The following VSTM2L variants were observed in gnomAD, a reference collection of about 807,000 sequenced individuals.
VSTM2L encodes V-set and transmembrane domain-containing protein 2-like protein.
VSTM2L carries 9 observed loss-of-function variants against 19.9 expected under a neutral mutation model. The ratio of observed to expected loss-of-function variants is 0.45; its 90% CI spans 0.27 to 0.79. VSTM2L has a LOEUF of 0.79. Among genes scored for constraint, VSTM2L ranks in the 30% least tolerant of loss-of-function variants. The probability of loss-of-function intolerance (pLI) is 0.15; values close to 1 mark genes in which losing one functional copy is unlikely to be tolerated. For missense variants in VSTM2L, 286 were observed against 295.5 expected (o/e 0.97, Z 0.24); for synonymous variants, 127 against 133.8 (o/e 0.95, Z 0.35).
In VSTM2L at chr20:37,931,868, T is replaced by C. The variant is rs184054330; in HGVS notation, c.291+64T>C. The C allele has an allele frequency of 3.7e-5, 57 of 1,528,000 alleles. No homozygotes were observed. The Middle Eastern group carries it at 6.0e-4, about 16-fold the overall frequency. 94.7% of individuals were successfully genotyped at this position (1,528,000 alleles called of 1,614,324 possible). ...AGTCCTGGTCCCTGGGGTAGGGGTA[T>C]TTCTCTGCCCCTCTTCTCCTCTGAG... On this transcript the variant is annotated intron_variant, in intron 2 of 3. Coordinates refer to ENST00000373461, the MANE Select transcript of VSTM2L (RefSeq NM_080607.3).
chr20:37,924,327 C>T (rs953305284), intron 1 of VSTM2L, among the ~76,000 whole-genome samples: 1 of 151,948 alleles, frequency 6.6e-6, no homozygotes, highest in Non-Finnish European at 1.5e-5. Context: ...CCGAGGTGGG[C>T]GGATCACCTG....
chr20:37,940,578 C>T lies in VSTM2L; in HGVS notation c.343-3403C>T, dbSNP rs562310531. 7.2e-5 allele frequency among the ~76,000 whole-genome samples: 11 copies of T among 152,348 alleles called. No individual in the cohort carries two copies. In the South Asian group the frequency reaches 1.7e-3, roughly 23 times the overall value. On this transcript the variant is annotated intron_variant, in intron 3 of 3. Transcript: ENST00000373461. Reference sequence around the variant, plus strand: ...AGCGCATGGAGCCTGTTCCCAGTTCCGCCACTCACTGACTCCATGCCTCTG... The same window carrying T: ...AGCGCATGGAGCCTGTTCCCAGTTCTGCCACTCACTGACTCCATGCCTCTG...
At chr20:37,937,240 T>C (rs981718083) in intron 3 of VSTM2L, among the ~76,000 whole-genome samples, 3 of 152,042 alleles carry the variant, frequency 2.0e-5, no homozygotes, top group African/African-American at 7.3e-5. Flanking sequence ...AAAATAATAA[T>C]GATAATAATA....
intron 1 of VSTM2L, among the ~76,000 whole-genome samples, chr20:37,917,214 T>C (rs1208029875): frequency 6.6e-6 from 1 of 151,994 alleles, no homozygotes; most frequent in Non-Finnish European, 1.5e-5. Context: ...CTTGGGAGGC[T>C]GAGGCAAGGA....
At position 37,945,235 on chromosome 20, in the gene VSTM2L, G is replaced by T; in HGVS notation, c.*982G>T. Reference sequence around the variant, plus strand: ...TGGCACCTCTGGCTGCCGCAGCTCAGTGATGACGTGGGGGAGGTGGGAGAG... The same window carrying T: ...TGGCACCTCTGGCTGCCGCAGCTCATTGATGACGTGGGGGAGGTGGGAGAG... On this transcript the variant is annotated 3_prime_UTR_variant, in exon 4 of 4. Coordinates refer to ENST00000373461, the MANE Select transcript of VSTM2L (RefSeq NM_080607.3). 1.4e-5 allele frequency: 14 copies of T among 985,580 alleles called. No homozygotes were observed. Among genetic ancestry groups the T allele is most frequent in the Non-Finnish European group, 1.7e-5 (14 of 830,034 alleles). 61.1% of individuals were successfully genotyped at this position (985,580 alleles called of 1,614,324 possible). A position where few individuals can be genotyped will look rare whatever the true frequency, so the allele number is the denominator to read the frequency against.
intron 1 of VSTM2L, among the ~76,000 whole-genome samples, chr20:37,925,892 A>G (rs1000580808): frequency 1.3e-5 from 2 of 152,134 alleles, no homozygotes; most frequent in Admixed American, 6.5e-5. Flanking sequence ...TACCTAGCCT[A>G]CTGGGGCTAA....
intron 3 of VSTM2L, among the ~76,000 whole-genome samples, chr20:37,940,425 C>T (rs1385686193): frequency 6.6e-6 from 1 of 152,236 alleles, no homozygotes; most frequent in Non-Finnish European, 1.5e-5. Flanking sequence ...CGATGGGCAG[C>T]AGGGAAGGCT....
intron 1 of VSTM2L, among the ~76,000 whole-genome samples, chr20:37,926,560 A>G (rs970613245): frequency 8.5e-5 from 13 of 152,150 alleles, no homozygotes; most frequent in Non-Finnish European, 1.6e-4. Flanking sequence ...GAAAAAAGAG[A>G]AATATTTAGG....
chr20:37,926,074 T>C (rs2122960819), intron 1 of VSTM2L, among the ~76,000 whole-genome samples: 1 of 152,306 alleles, frequency 6.6e-6, no homozygotes, highest in Admixed American at 6.5e-5. Flanking sequence ...TTTTGTTTGT[T>C]TTTTGAGATG....
intron 1 of VSTM2L, among the ~76,000 whole-genome samples, chr20:37,926,704 G>T (rs113474857): frequency 0.011 from 1,711 of 152,296 alleles, 37 homozygotes; most frequent in African/African-American, 0.039. Flanking sequence ...GGGCGTCACA[G>T]AGGGCTGGTT....
At chr20:37,923,730 G>A (rs1224785025) in intron 1 of VSTM2L, among the ~76,000 whole-genome samples, 4 of 152,126 alleles carry the variant, frequency 2.6e-5, no homozygotes, top group Non-Finnish European at 5.9e-5. Context: ...TAGGGTCTGG[G>A]TAGCTGGAGG....
rs559523252 is a variant in VSTM2L at position 37,933,482 on chromosome 20, C to T, written c.292-57C>T. ...TGTCTCCCCACACTGCCACCCCACC[C>T]CCACCCTGTGCTAACACCTTGTCTC... is the stretch of plus-strand genomic sequence containing the variant. On this transcript the variant is annotated intron_variant, in intron 2 of 3. Coordinates refer to ENST00000373461, the MANE Select transcript of VSTM2L (RefSeq NM_080607.3). The T allele has an allele frequency of 9.5e-6, 13 of 1,366,412 alleles. No individual in the cohort carries two copies. The African/African-American group carries it at 1.8e-4, about 18-fold the overall frequency. 84.6% of individuals were successfully genotyped at this position (1,366,412 alleles called of 1,614,324 possible).
intron 3 of VSTM2L, among the ~76,000 whole-genome samples, chr20:37,940,675 C>A (rs958791394): frequency 1.3e-5 from 2 of 152,204 alleles, no homozygotes; most frequent in Admixed American, 6.5e-5. Flanking sequence ...ATTCACCCTG[C>A]TATAAAGAAC....
intron 3 of VSTM2L, among the ~76,000 whole-genome samples, chr20:37,943,376 A>C (rs1260459579): frequency 6.6e-6 from 1 of 151,908 alleles, no homozygotes; most frequent in Non-Finnish European, 1.5e-5. Context: ...CCTGGGCTCA[A>C]ACAGTCCTCG....
Position 37,944,384 on chromosome 20 carries a change from C to T in VSTM2L, c.*131C>T, listed in dbSNP as rs369345546. The T allele has an allele frequency of 1.6e-4, 200 of 1,278,726 alleles. No individual in the cohort carries two copies. The African/African-American group carries it at 2.7e-3, about 17-fold the overall frequency. The allele number at this position is 1,278,726 out of a possible 1,614,324, so 79.2% of individuals were successfully genotyped here. A position where few individuals can be genotyped will look rare whatever the true frequency, so the allele number is the denominator to read the frequency against. On this transcript the variant is annotated 3_prime_UTR_variant, in exon 4 of 4. Coordinates refer to ENST00000373461, the MANE Select transcript of VSTM2L (RefSeq NM_080607.3). ...CCGAGGCCGCCTGTGGCCACCATGT[C>T]GGCCCTCTTTCCACCACCCCTTGCT...
Position 37,931,709 on chromosome 20 carries a change from G to T in VSTM2L, c.196G>T (p.Gly66Cys), listed in dbSNP as rs868797851. Residue 66 changes from glycine to cysteine, a missense_variant, in exon 2 of 4, where the codon GGC (glycine) becomes TGC (cysteine). Gly to Cys is a radical substitution (Grantham distance 159). Transcript: ENST00000373461. ...CGTGGAGATGGCCTGCTCCTTCCGC[G>T]GCAGCGGCTCCCCCTCCTACTCGCT... The part of the protein sequence containing the change: ...EDVEMACSFR[G>C]SGSPSYSLEI... The T allele has an allele frequency of 6.2e-7, 1 of 1,613,770 alleles. No homozygotes were observed. Among genetic ancestry groups the T allele is most frequent in the Non-Finnish European group, 8.5e-7 (1 of 1,180,022 alleles).
rs1486099978 is a variant in VSTM2L at position 37,916,943 on chromosome 20, G to C, written c.121+13472G>C. ...AGTGGGGAGTGAGGAGTTTCCTTCT[G>C]GGGGGAAGACAGCATGTTGGGACTA... is the stretch of plus-strand genomic sequence containing the variant. On this transcript the variant is annotated intron_variant, in intron 1 of 3. Transcript: ENST00000373461. Among the ~76,000 whole-genome samples, 5 of 152,254 alleles carry C rather than the reference G, an allele frequency of 3.3e-5. No individual in the cohort carries two copies. In the East Asian group the frequency reaches 9.6e-4, roughly 29 times the overall value.
chr20:37,925,906 G>A (rs752615750), intron 1 of VSTM2L, among the ~76,000 whole-genome samples: 6 of 152,156 alleles, frequency 3.9e-5, no homozygotes, highest in African/African-American at 1.2e-4. Context: ...GGGCTAAGGC[G>A]AGGGCAACAC....
At chr20:37,904,600 C>T in intron 1 of VSTM2L, among the ~76,000 whole-genome samples, 1 of 152,208 alleles carries the variant, frequency 6.6e-6, no homozygotes, top group East Asian at 1.9e-4. Context: ...TGCAGCCCTT[C>T]ACTAGACAGG....
Sources: gnomAD v4.1 joint callset for allele counts (sites outside exome capture counted in the v4.1 genomes callset) on GRCh38, gnomAD v4.1.1 for gene constraint, MANE v1.5 for transcripts, NCBI Gene and HGNC (gene_info 2026-07-23, HGNC 2026-07-21) for gene names.